ASIC2: variants seen among roughly 807,000 people sequenced by gnomAD.
The protein encoded by ASIC2 is acid-sensing ion channel 2.
ASIC2 carries 25 observed loss-of-function variants against 57.3 expected under a neutral mutation model. The observed-to-expected ratio is 0.44, with a 90% CI of 0.32 to 0.61. The LOEUF (loss-of-function observed/expected upper bound fraction) is 0.61. Among genes scored for constraint, ASIC2 ranks in the 20% least tolerant of loss-of-function variants. The pLI is 0.06. For missense variants in ASIC2, 641 were observed against 738.1 expected, an observed-to-expected ratio of 0.87 and a Z score of 1.52; for synonymous variants, 319 against 307.5, an observed-to-expected ratio of 1.04 and a Z score of -0.39.
intron 1 of ASIC2, among the ~76,000 whole-genome samples, chr17:33,625,385 A>G (rs1905952873): frequency 6.6e-6 from 1 of 152,172 alleles, no homozygotes; most frequent in Non-Finnish European, 1.5e-5. Context: ...TCCAACAACT[A>G]CAGGAGTGAG....
At chr17:33,313,714 T>C (rs1186220160) in intron 1 of ASIC2, among the ~76,000 whole-genome samples, 1 of 152,176 alleles carries the variant, frequency 6.6e-6, no homozygotes, top group African/African-American at 2.4e-5. Flanking sequence ...ATCTCTGCTC[T>C]CATATTTTCT....
At chr17:33,328,781 T>C (rs1430721794) in intron 1 of ASIC2, among the ~76,000 whole-genome samples, 1 of 152,164 alleles carries the variant, frequency 6.6e-6, no homozygotes, top group Non-Finnish European at 1.5e-5. Context: ...AGCACAGTTG[T>C]TGTTTATGAA....
intron 1 of ASIC2, among the ~76,000 whole-genome samples, chr17:33,251,393 A>T (rs1010608638): frequency 6.6e-6 from 1 of 152,164 alleles, no homozygotes; most frequent in Admixed American, 6.5e-5. Context: ...GCAGTGGCAC[A>T]ATCATAGCTC....
intron 1 of ASIC2, among the ~76,000 whole-genome samples, chr17:33,127,536 A>C (rs747164831): frequency 1.4e-4 from 22 of 152,204 alleles, no homozygotes; most frequent in Non-Finnish European, 3.2e-4. Context: ...CCAATTAATG[A>C]TATGAGTCTT....
At chr17:33,215,920 T>C (rs919313414) in intron 1 of ASIC2, among the ~76,000 whole-genome samples, 3 of 152,104 alleles carry the variant, frequency 2.0e-5, no homozygotes, top group African/African-American at 7.2e-5. Flanking sequence ...AGGATGGTCT[T>C]GATCTCCTGA....
At chr17:33,858,783 A>T (rs1305103804) in intron 1 of ASIC2, among the ~76,000 whole-genome samples, 1 of 152,200 alleles carries the variant, frequency 6.6e-6, no homozygotes, top group Non-Finnish European at 1.5e-5. Context: ...TCCCTTCTAG[A>T]CAGGTTGTTG....
At chr17:33,081,537 G>A (rs950815642) in intron 3 of ASIC2, among the ~76,000 whole-genome samples, 1 of 151,140 alleles carries the variant, frequency 6.6e-6, no homozygotes, top group Non-Finnish European at 1.5e-5. Flanking sequence ...CTAAAGTCAT[G>A]TGTAATAAAT....
At chr17:33,705,844 A>G (rs982557871) in intron 1 of ASIC2, among the ~76,000 whole-genome samples, 1 of 152,154 alleles carries the variant, frequency 6.6e-6, no homozygotes, top group Non-Finnish European at 1.5e-5. Flanking sequence ...GAAAACTGGT[A>G]CGATGTTCAA....
intron 1 of ASIC2, among the ~76,000 whole-genome samples, chr17:33,165,209 A>G (rs932091147): frequency 1.3e-5 from 2 of 152,160 alleles, no homozygotes; most frequent in African/African-American, 4.8e-5. Flanking sequence ...AATCCTGGTC[A>G]TGTCTGGCCC....
chr17:33,419,703 T>C (rs1400833146), intron 1 of ASIC2, among the ~76,000 whole-genome samples: 3 of 152,234 alleles, frequency 2.0e-5, no homozygotes, highest in East Asian at 3.9e-4. Flanking sequence ...ATAGTAATTG[T>C]AGCATTTTTG....
chr17:33,158,997 C>G (rs1905088287), intron 1 of ASIC2, among the ~76,000 whole-genome samples: 1 of 152,216 alleles, frequency 6.6e-6, no homozygotes, highest in Admixed American at 6.5e-5. Flanking sequence ...GCCACACCCC[C>G]ACCACACCTG....
At chr17:33,226,641 G>A (rs997904366) in intron 1 of ASIC2, among the ~76,000 whole-genome samples, 1 of 152,120 alleles carries the variant, frequency 6.6e-6, no homozygotes, top group Non-Finnish European at 1.5e-5. Context: ...TTGGGTCTCT[G>A]TCTCTCCAGC....
intron 1 of ASIC2, among the ~76,000 whole-genome samples, chr17:33,974,486 T>C (rs1021486082): frequency 1.3e-5 from 2 of 152,164 alleles, no homozygotes; most frequent in African/African-American, 4.8e-5. Context: ...GTCTCAGTGG[T>C]GGTATCCATC....
intron 1 of ASIC2, among the ~76,000 whole-genome samples, chr17:33,713,483 G>A (rs569912180): frequency 6.6e-5 from 10 of 152,106 alleles, no homozygotes; most frequent in African/African-American, 1.7e-4. Flanking sequence ...CTCTCTGTAC[G>A]TCTCCGTCCT....
At chr17:33,405,323 G>A (rs1910430160) in intron 1 of ASIC2, among the ~76,000 whole-genome samples, 2 of 151,730 alleles carry the variant, frequency 1.3e-5, no homozygotes, top group South Asian at 4.2e-4. Context: ...AGAAAAATGG[G>A]GTACAACTTT....
At chr17:33,050,131 C>T (rs1421833218) in intron 3 of ASIC2, among the ~76,000 whole-genome samples, 2 of 152,140 alleles carry the variant, frequency 1.3e-5, no homozygotes, top group East Asian at 1.9e-4. Context: ...TCAACTGAGA[C>T]GATGTAACCT....
At chr17:33,579,764 T>C (rs1440093050) in intron 1 of ASIC2, among the ~76,000 whole-genome samples, 4 of 152,120 alleles carry the variant, frequency 2.6e-5, no homozygotes, top group Non-Finnish European at 5.9e-5. Flanking sequence ...CAAAACTCAT[T>C]CAGAAGAGCA....
intron 1 of ASIC2, among the ~76,000 whole-genome samples, chr17:34,083,271 T>C: frequency 6.7e-6 from 1 of 150,302 alleles, no homozygotes; most frequent in Non-Finnish European, 1.5e-5. Context: ...GAATATGCGG[T>C]GTTTGGTTTT....
chr17:33,051,665 G>A (rs1250056524), intron 3 of ASIC2, among the ~76,000 whole-genome samples: 2 of 152,132 alleles, frequency 1.3e-5, no homozygotes, highest in African/African-American at 4.8e-5. Flanking sequence ...TTGAGTATCA[G>A]TTACCTCTGT....
Sources: allele counts gnomAD v4.1 joint callset (sites outside exome capture counted in the v4.1 genomes callset), GRCh38; gene constraint gnomAD v4.1.1; transcripts MANE v1.5; gene names NCBI Gene and HGNC (gene_info 2026-07-23, HGNC 2026-07-21).